GRM8: variants seen among roughly 807,000 people sequenced by gnomAD.
GRM8 encodes glutamate metabotropic receptor 8.
GRM8 carries 47 observed loss-of-function variants against 87.2 expected under a neutral mutation model. That is an observed-to-expected ratio of 0.54 (90% confidence interval 0.43 to 0.69). The LOEUF is 0.69. Ranked by LOEUF, GRM8 falls within the 30% of genes least tolerant of loss-of-function variation. The probability of loss-of-function intolerance (pLI) is 0.00; values close to 1 mark genes in which losing one functional copy is unlikely to be tolerated. For missense variants in GRM8, 1,019 were observed against 1,139.2 expected (o/e 0.89, Z 1.52); for synonymous variants, 396 against 404.5 (o/e 0.98, Z 0.25).
chr7:127,036,389 G>A (rs1817845116), intron 3 of GRM8, among the ~76,000 whole-genome samples: 1 of 152,126 alleles, frequency 6.6e-6, no homozygotes, highest in Admixed American at 6.6e-5. Context: ...TATTGTTAAG[G>A]AAGATGACTG....
Position 126,954,763 on chromosome 7 carries a change from A to G in GRM8, c.728-50080T>C, listed in dbSNP as rs191946380. On this transcript the variant is annotated intron_variant, in intron 3 of 10. Coordinates refer to ENST00000339582, the MANE Select transcript of GRM8 (RefSeq NM_000845.3). Reference sequence around the variant, plus strand: ...ATAATCTATACAGTACCTGGAATATACTATGTATTCAATACATGCTTGCTT... The same window carrying G: ...ATAATCTATACAGTACCTGGAATATGCTATGTATTCAATACATGCTTGCTT... Among the ~76,000 whole-genome samples, 458 of 152,334 alleles carry G rather than the reference A, an allele frequency of 3.0e-3. 4 individuals carry two copies. Among genetic ancestry groups the G allele is most frequent in the African/African-American group, 0.01 (436 of 41,580 alleles).
In GRM8 at chr7:126,716,946, G is replaced by C. The variant is rs1450700181; in HGVS notation, c.1357+52919C>G. On this transcript the variant is annotated intron_variant, in intron 7 of 10. Transcript: ENST00000339582. ...AACATGTCAAGAGGAGCAGAAAAAAGATAAGAGTTCCTTAAAATCTTTTGA... is the reference window on the plus strand; with the variant it reads ...AACATGTCAAGAGGAGCAGAAAAAACATAAGAGTTCCTTAAAATCTTTTGA... 2.0e-5 allele frequency among the ~76,000 whole-genome samples: 3 copies of C among 152,084 alleles called. No individual in the cohort carries two copies. In the East Asian group the frequency reaches 5.8e-4, roughly 29 times the overall value.
chr7:127,219,148 T>G (rs1452389479), intron 2 of GRM8, among the ~76,000 whole-genome samples: 1 of 31,382 alleles, frequency 3.2e-5, no homozygotes, highest in East Asian at 1.1e-3. Flanking sequence ...CCTCTTGACA[T>G]AGAAGAACTT....
At chr7:127,178,174 A>G (rs553761220) in intron 2 of GRM8, among the ~76,000 whole-genome samples, 22 of 152,158 alleles carry the variant, frequency 1.4e-4, no homozygotes, top group Non-Finnish European at 2.9e-4. Context: ...AAATTCAGGA[A>G]ACTTTAGACA....
At chr7:126,500,321 T>A (rs369007702) in intron 9 of GRM8, among the ~76,000 whole-genome samples, 1 of 151,942 alleles carries the variant, frequency 6.6e-6, no homozygotes, top group African/African-American at 2.4e-5. Context: ...TTTCTTCTTG[T>A]TAGTTGGATT....
intron 2 of GRM8, among the ~76,000 whole-genome samples, chr7:127,152,499 C>G (rs1792455205): frequency 6.6e-6 from 1 of 152,086 alleles, no homozygotes; most frequent in African/African-American, 2.4e-5. Context: ...AAATATTCTA[C>G]CAACCTGATT....
chr7:126,653,814 T>C (rs1243341235), intron 7 of GRM8, among the ~76,000 whole-genome samples: 2 of 152,234 alleles, frequency 1.3e-5, no homozygotes, highest in South Asian at 2.1e-4. Context: ...TATTTCTATT[T>C]ATCATCTTCA....
At chr7:126,633,712 TTAAAA>T (rs2151181811) in intron 7 of GRM8, among the ~76,000 whole-genome samples, 1 of 152,160 alleles carries the variant, frequency 6.6e-6, no homozygotes, top group Admixed American at 6.5e-5. Flanking sequence ...TTTTTGTATG[TTAAAA>T]TAACCTCTTT....
rs141991685 is a variant in GRM8, at chr7:126,772,843, G to A, written c.1157-2778C>T. ...ACAAGGGTAGAAGCCAGAAAGACAC[G>A]AAAGATCTGCAAATAAGAAAGAATT... On this transcript the variant is annotated intron_variant, in intron 6 of 10. Coordinates refer to ENST00000339582, the MANE Select transcript of GRM8 (RefSeq NM_000845.3). Among the ~76,000 whole-genome samples the A allele has an allele frequency of 1.2e-3, 177 of 152,166 alleles. 1 individual carries two copies. The highest frequency in any genetic ancestry group is 4.0e-3 in the African/African-American group (168 of 41,534).
At chr7:126,937,012 T>C (rs917365314) in intron 3 of GRM8, among the ~76,000 whole-genome samples, 1 of 152,176 alleles carries the variant, frequency 6.6e-6, no homozygotes, top group Admixed American at 6.5e-5. Context: ...TCACAGGCTG[T>C]AAGGACAGAG....
intron 6 of GRM8, among the ~76,000 whole-genome samples, chr7:126,846,313 A>T (rs1404592506): frequency 1.3e-5 from 2 of 152,214 alleles, no homozygotes; most frequent in Non-Finnish European, 2.9e-5. Flanking sequence ...ATAAAACCAA[A>T]TGTAGGAGAA....
At chr7:126,797,807 A>G (rs1018704992) in intron 6 of GRM8, among the ~76,000 whole-genome samples, 1 of 152,136 alleles carries the variant, frequency 6.6e-6, no homozygotes, top group Non-Finnish European at 1.5e-5. Context: ...ACAACAAAGG[A>G]ACTCAAAATT....
intron 7 of GRM8, among the ~76,000 whole-genome samples, chr7:126,768,926 G>GCAAAAAAAAAAATAAA (rs1554485586): frequency 2.8e-5 from 2 of 70,954 alleles, no homozygotes; most frequent in African/African-American, 9.0e-5. Context: ...AAGGAAAAAT[G>GCAAAAAAAAAAATAAA]CAAAAAAAAA....
chr7:126,493,903 TTA>T (rs1808362454), intron 9 of GRM8, among the ~76,000 whole-genome samples: 1 of 151,904 alleles, frequency 6.6e-6, no homozygotes, highest in Admixed American at 6.6e-5. Flanking sequence ...CCTGCCAAGT[TTA>T]TGTTTTTGGG....
intron 2 of GRM8, among the ~76,000 whole-genome samples, chr7:127,131,935 T>C (rs1827710968): frequency 1.3e-5 from 2 of 152,240 alleles, no homozygotes; most frequent in Non-Finnish European, 2.9e-5. Flanking sequence ...CTGAACAGCA[T>C]GAACTTAATT....
intron 3 of GRM8, among the ~76,000 whole-genome samples, chr7:126,925,062 A>G (rs146674086): frequency 6.6e-6 from 1 of 152,156 alleles, no homozygotes; most frequent in Non-Finnish European, 1.5e-5. Context: ...GACAGAAGAG[A>G]GCAAGACCTC....
intron 2 of GRM8, among the ~76,000 whole-genome samples, chr7:127,115,551 T>C (rs1826649874): frequency 6.6e-6 from 1 of 152,238 alleles, no homozygotes; most frequent in South Asian, 2.1e-4. Flanking sequence ...GTAATGGCAT[T>C]TTGACTTCTA....
intron 3 of GRM8, among the ~76,000 whole-genome samples, chr7:126,980,056 C>T (rs750078479): frequency 3.3e-5 from 5 of 152,214 alleles, no homozygotes; most frequent in Non-Finnish European, 7.3e-5. Flanking sequence ...TTTCATCATG[C>T]GCTACTGGAC....
intron 8 of GRM8, among the ~76,000 whole-genome samples, chr7:126,590,488 G>A (rs1419796272): frequency 6.6e-6 from 1 of 152,070 alleles, no homozygotes; most frequent in Non-Finnish European, 1.5e-5. Flanking sequence ...AGTCTTGATA[G>A]AGATCTAGAC....
Sources: gnomAD v4.1 joint callset for allele counts (sites outside exome capture counted in the v4.1 genomes callset) on GRCh38, gnomAD v4.1.1 for gene constraint, MANE v1.5 for transcripts, NCBI Gene and HGNC (gene_info 2026-07-23, HGNC 2026-07-21) for gene names.